The following SLC6A11 variants were observed in gnomAD, a reference collection of about 807,000 sequenced individuals.
SLC6A11 encodes solute carrier family 6 member 11.
In SLC6A11, 25 loss-of-function variants were observed where a neutral mutation model predicts 74.8. The ratio of observed to expected loss-of-function variants is 0.33; its 90% CI spans 0.24 to 0.47. The LOEUF (loss-of-function observed/expected upper bound fraction) is 0.47. Ranked by LOEUF, SLC6A11 falls within the 20% of genes least tolerant of loss-of-function variation. The probability of loss-of-function intolerance (pLI) is 1.00; values close to 1 mark genes in which losing one functional copy is unlikely to be tolerated. For missense variants in SLC6A11, 574 were observed against 837.0 expected (o/e 0.69, Z 3.88); for synonymous variants, 330 against 330.2 (o/e 1.00, Z 0.01).
chr3:10,850,603 C>T (rs547206521), intron 5 of SLC6A11, among the ~76,000 whole-genome samples: 3 of 152,068 alleles, frequency 2.0e-5, no homozygotes, highest in South Asian at 4.1e-4. Context: ...ATGGGGCCAG[C>T]GAGTGGCACA....
chr3:10,904,692 C>G (rs1371756983), intron 6 of SLC6A11, among the ~76,000 whole-genome samples: 1 of 152,132 alleles, frequency 6.6e-6, no homozygotes, highest in Non-Finnish European at 1.5e-5. Context: ...GGTGGGGTTG[C>G]CTTTGTTCTG....
At chr3:10,895,111 A>T (rs1046126394) in intron 6 of SLC6A11, among the ~76,000 whole-genome samples, 4 of 152,170 alleles carry the variant, frequency 2.6e-5, no homozygotes, top group South Asian at 4.1e-4. Flanking sequence ...AGGGAGATGA[A>T]CAGCCTGGAA....
At chr3:10,899,507 G>T (rs1376127818) in intron 6 of SLC6A11, among the ~76,000 whole-genome samples, 1 of 152,242 alleles carries the variant, frequency 6.6e-6, no homozygotes, top group Non-Finnish European at 1.5e-5. Flanking sequence ...AGTGATGAAT[G>T]AAACACTAGC....
At chr3:10,895,868 G>A (rs372385120) in intron 6 of SLC6A11, among the ~76,000 whole-genome samples, 17 of 151,978 alleles carry the variant, frequency 1.1e-4, no homozygotes, top group African/African-American at 2.7e-4. Flanking sequence ...GCAGCAAACC[G>A]CCACGGCACA....
intron 8 of SLC6A11, among the ~76,000 whole-genome samples, chr3:10,921,907 G>A (rs1695542065): frequency 1.3e-5 from 2 of 152,210 alleles, no homozygotes; most frequent in African/African-American, 4.8e-5. Context: ...TGATAAAAGG[G>A]GCAATTCATT....
intron 4 of SLC6A11, among the ~76,000 whole-genome samples, chr3:10,828,832 T>C (rs749143809): frequency 6.6e-6 from 1 of 152,216 alleles, no homozygotes; most frequent in Non-Finnish European, 1.5e-5. Flanking sequence ...TCTGAAATCC[T>C]TGTATATTTA....
intron 5 of SLC6A11, among the ~76,000 whole-genome samples, chr3:10,866,158 A>G (rs1315627382): frequency 1.3e-5 from 2 of 152,174 alleles, no homozygotes; most frequent in Non-Finnish European, 2.9e-5. Context: ...CCTCATTTAC[A>G]TGGCCTAAGA....
intron 5 of SLC6A11, among the ~76,000 whole-genome samples, chr3:10,873,971 TGCTACGCTAC>T (rs762939574): frequency 0.012 from 1,600 of 130,510 alleles, 17 homozygotes; most frequent in African/African-American, 0.04. Flanking sequence ...CGCTATGCTA[TGCTACGCTAC>T]GCTACGCTAC....
chr3:10,921,166 GTC>G (rs1355513688), intron 8 of SLC6A11, among the ~76,000 whole-genome samples: 1 of 152,206 alleles, frequency 6.6e-6, no homozygotes, highest in Non-Finnish European at 1.5e-5. Flanking sequence ...CCCTGCATCT[GTC>G]TCTCTGATGC....
intron 4 of SLC6A11, among the ~76,000 whole-genome samples, chr3:10,837,922 G>C (rs955851052): frequency 6.6e-6 from 1 of 152,238 alleles, no homozygotes; most frequent in Non-Finnish European, 1.5e-5. Flanking sequence ...AGCTCCCTTG[G>C]CGGGGGCCAG....
intron 8 of SLC6A11, among the ~76,000 whole-genome samples, chr3:10,923,046 T>C (rs115006091): frequency 6.6e-6 from 1 of 152,130 alleles, no homozygotes; most frequent in Admixed American, 6.5e-5. Flanking sequence ...ATGTCTTTTA[T>C]TGGAATTGGA....
In SLC6A11 at chr3:10,841,078, G is replaced by A. The variant is rs74703346; in HGVS notation, c.624-3136G>A. ...CTATGGCCTGAAAAGGGTGCTTCAT[G>A]AAGAATCTGCTTTAGGGCCTGGCAC... On this transcript the variant is annotated intron_variant, in intron 4 of 13. Transcript: ENST00000254488. 5.9e-3 allele frequency among the ~76,000 whole-genome samples: 893 copies of A among 152,252 alleles called. 6 individuals are homozygous for A. Among genetic ancestry groups the A allele is most frequent in the Non-Finnish European group, 8.0e-3 (545 of 68,028 alleles).
At chr3:10,835,508 A>T (rs1020823907) in intron 4 of SLC6A11, among the ~76,000 whole-genome samples, 10 of 152,090 alleles carry the variant, frequency 6.6e-5, no homozygotes, top group Non-Finnish European at 1.3e-4. Flanking sequence ...CTAAGTTTTG[A>T]GGCATTTCCC....
intron 6 of SLC6A11, among the ~76,000 whole-genome samples, chr3:10,892,665 G>A (rs545448261): frequency 6.6e-6 from 1 of 151,320 alleles, no homozygotes; most frequent in South Asian, 2.1e-4. Context: ...GTTCCTATTA[G>A]CAGTTGTATG....
chr3:10,918,969 C>G lies in SLC6A11; in HGVS notation c.1120+516C>G, dbSNP rs988613243. On this transcript the variant is annotated intron_variant, in intron 8 of 13. Transcript: ENST00000254488. This position sits in a 1 kb window ranked among gnomAD's most constrained non-coding sequence, Gnocchi z 4.5. ...CCTGTGGCCCCACCAGCCTCACCACCTACGATTCCCCCACACTCACTCGGT... is the reference window on the plus strand; with the variant it reads ...CCTGTGGCCCCACCAGCCTCACCACGTACGATTCCCCCACACTCACTCGGT... Among the ~76,000 whole-genome samples the G allele has an allele frequency of 6.6e-6, 1 of 152,146 alleles. No homozygotes were observed. Among genetic ancestry groups the G allele is most frequent in the African/African-American group, 2.4e-5 (1 of 41,446 alleles).
At chr3:10,844,972 C>T (rs891283473) in intron 5 of SLC6A11, among the ~76,000 whole-genome samples, 1 of 152,140 alleles carries the variant, frequency 6.6e-6, no homozygotes, top group Non-Finnish European at 1.5e-5. Context: ...CACGGTGTCA[C>T]CTACTGCACA....
rs1695601698 is a variant in SLC6A11, at chr3:10,926,074, C to G, written c.1191C>G (p.Thr397=). The G allele has an allele frequency of 6.2e-7, 1 of 1,613,710 alleles. No individual in the cohort carries two copies. The highest frequency in any genetic ancestry group is 8.5e-7 in the Non-Finnish European group (1 of 1,179,662). Residue 397 remains threonine, a synonymous_variant, in exon 9 of 14, where the codon ACC becomes ACG. Transcript: ENST00000254488. The surrounding 1 kb of genome is among the most constrained non-coding windows in gnomAD (Gnocchi z 5.7). ...TGCCTCTCTCCCCGCTGTGGGCCAC[C>G]TTGTTCTTCATGATGCTCATCTTCC... ...TMMPLSPLWA[T]LFFMMLIFLG...
At chr3:10,910,309 G>T (rs1695369667) in intron 6 of SLC6A11, among the ~76,000 whole-genome samples, 1 of 152,208 alleles carries the variant, frequency 6.6e-6, no homozygotes, top group Admixed American at 6.5e-5. Context: ...TCTGAAGAGG[G>T]AGGAGATACA....
At chr3:10,831,507 G>C (rs979482376) in intron 4 of SLC6A11, among the ~76,000 whole-genome samples, 2 of 152,096 alleles carry the variant, frequency 1.3e-5, no homozygotes, top group Non-Finnish European at 2.9e-5. Flanking sequence ...ATATGATATC[G>C]TATGTAATAT....
Sources: allele counts gnomAD v4.1 joint callset (sites outside exome capture counted in the v4.1 genomes callset), GRCh38; gene constraint gnomAD v4.1.1; non-coding constraint Gnocchi (gnomAD v3.1); transcripts MANE v1.5; gene names NCBI Gene and HGNC (gene_info 2026-07-23, HGNC 2026-07-21).